PTPRA: variants seen among roughly 807,000 people sequenced by gnomAD.
PTPRA encodes the protein receptor-type tyrosine-protein phosphatase alpha.
Under a neutral mutation model 104.8 loss-of-function variants are expected in PTPRA, and 25 were observed. The ratio of observed to expected loss-of-function variants is 0.24; its 90% CI spans 0.17 to 0.33. PTPRA has a LOEUF of 0.33. Ranked by LOEUF, PTPRA falls within the 10% of genes least tolerant of loss-of-function variation. PTPRA has a pLI of 1.00. For missense variants in PTPRA, 765 were observed against 1,015.3 expected, an observed-to-expected ratio of 0.75 and a Z score of 3.35; for synonymous variants, 323 against 368.9, an observed-to-expected ratio of 0.88 and a Z score of 1.43.
intron 16 of PTPRA, among the ~76,000 whole-genome samples, chr20:3,023,618 C>T (rs1197262702): frequency 2.6e-5 from 4 of 152,200 alleles, no homozygotes. Context: ...ATTTATGACA[C>T]AGAGTCCTTT....
At chr20:2,996,385 G>GA (rs2063394328) in intron 9 of PTPRA, among the ~76,000 whole-genome samples, 1 of 152,186 alleles carries the variant, frequency 6.6e-6, no homozygotes, top group African/African-American at 2.4e-5. Flanking sequence ...GAGAAGAGGA[G>GA]AAATAACACA....
chr20:2,914,110 A>G (rs970415138), intron 1 of PTPRA, among the ~76,000 whole-genome samples: 27 of 152,150 alleles, frequency 1.8e-4, no homozygotes, highest in Non-Finnish European at 3.5e-4. Context: ...TTTGTCCCAG[A>G]TTTGGTCAGT....
intron 13 of PTPRA, among the ~76,000 whole-genome samples, chr20:3,018,826 C>T (rs1483427183): frequency 1.1e-4 from 13 of 121,740 alleles, no homozygotes; most frequent in Middle Eastern, 4.6e-3. Flanking sequence ...CCTCACCTCC[C>T]GGACAGGGCG....
intron 1 of PTPRA, among the ~76,000 whole-genome samples, chr20:2,903,982 GCAA>G: frequency 6.6e-6 from 1 of 151,814 alleles, no homozygotes; most frequent in Admixed American, 6.6e-5. Context: ...ATGGCTCACT[GCAA>G]CTTCAATCTC....
intron 1 of PTPRA, 82 bp from the exon 2 acceptor site, chr20:2,923,125 A>C (rs1419940850): frequency 2.0e-6 from 1 of 508,324 alleles, no homozygotes; most frequent in African/African-American, 2.1e-5. Context: ...CATGTTGCCT[A>C]GGCTGGGCTT....
intron 17 of PTPRA, 34 bp from the exon 18 acceptor site, chr20:3,026,653 A>G (rs1461968633): frequency 1.3e-6 from 2 of 1,506,464 alleles, no homozygotes; most frequent in East Asian, 4.5e-5. Context: ...AGTTACTGGG[A>G]TCAGTAATGT....
the PTPRA span, chr20:2,865,485 T>C: frequency 3.7e-6 from 6 of 1,613,744 alleles, no homozygotes; most frequent in East Asian, 6.7e-5. This position sits in a 1 kb window ranked among gnomAD's most constrained non-coding sequence, Gnocchi z 5.2. Context: ...AAATCACCCA[T>C]TGGCTACCTG....
intron 1 of PTPRA, among the ~76,000 whole-genome samples, chr20:2,880,272 T>C (rs2089974846): frequency 6.6e-6 from 1 of 152,238 alleles, no homozygotes; most frequent in African/African-American, 2.4e-5. Context: ...CTTTTTATTG[T>C]TTTTATCTAA....
the PTPRA span, chr20:2,864,885 G>T: frequency 6.4e-7 from 1 of 1,561,088 alleles, no homozygotes; most frequent in South Asian, 1.1e-5. The surrounding 1 kb of genome is among the most constrained non-coding windows in gnomAD (Gnocchi z 5.2). Flanking sequence ...TGGCGACCCT[G>T]GGCACAGGGA....
At chr20:2,887,762 T>C (rs1239460812) in intron 1 of PTPRA, among the ~76,000 whole-genome samples, 2 of 152,264 alleles carry the variant, frequency 1.3e-5, no homozygotes, top group African/African-American at 2.4e-5. Flanking sequence ...TTGATAATGT[T>C]AGCAGCACTG....
intron 1 of PTPRA, among the ~76,000 whole-genome samples, chr20:2,910,044 AAT>A (rs1346355408): frequency 1.6e-5 from 2 of 124,364 alleles, no homozygotes; most frequent in South Asian, 2.2e-4. Flanking sequence ...TATCATATAT[AAT>A]ATATATCATA....
chr20:2,975,214 G>A lies in PTPRA; in HGVS notation c.416-1G>A. 1 of 1,592,622 alleles carries A rather than the reference G, an allele frequency of 6.3e-7. No homozygotes were observed. The highest frequency in any genetic ancestry group is 8.6e-7 in the Non-Finnish European group (1 of 1,162,496). ...GTTTCTATTTTTTACTTATTACACA[G>A]GTAATTCTGACTCGAAGGACAGAAG... On this transcript the variant is annotated splice_acceptor_variant, in intron 5 of 23. Transcript: ENST00000399903. LOFTEE classifies it high-confidence loss of function.
intron 2 of PTPRA, among the ~76,000 whole-genome samples, chr20:2,938,836 G>A (rs2060802258): frequency 6.6e-6 from 1 of 152,098 alleles, no homozygotes; most frequent in African/African-American, 2.4e-5. Flanking sequence ...CATGAGCGCT[G>A]TTTTAAATTC....
chr20:3,027,263 C>A, intron 19 of PTPRA, 66 bp downstream of exon 19: 1 of 1,474,012 alleles, frequency 6.8e-7, no homozygotes, highest in Non-Finnish European at 9.5e-7. Flanking sequence ...ACTTGCAGTG[C>A]CTCCCTCCCA....
intron 12 of PTPRA, among the ~76,000 whole-genome samples, chr20:3,017,377 G>A (rs190275702): frequency 2.2e-4 from 33 of 152,128 alleles, no homozygotes; most frequent in Non-Finnish European, 2.8e-4. Flanking sequence ...AGGTTATATG[G>A]GAGGTAAATT....
intron 1 of PTPRA, among the ~76,000 whole-genome samples, chr20:2,896,438 A>G (rs1163814485): frequency 1.3e-5 from 2 of 152,226 alleles, no homozygotes; most frequent in Non-Finnish European, 2.9e-5. Flanking sequence ...GCCTACATGC[A>G]CTTTCAGTCC....
intron 1 of PTPRA, among the ~76,000 whole-genome samples, chr20:2,909,973 TAATC>T (rs2059589543): frequency 3.4e-5 from 4 of 117,394 alleles, no homozygotes; most frequent in African/African-American, 1.4e-4. Context: ...GATATATATA[TAATC>T]TATCATATAT....
chr20:3,036,079 C>A, intron 22 of PTPRA, 138 bp downstream of exon 22: 1 of 1,440,876 alleles, frequency 6.9e-7, no homozygotes, highest in Non-Finnish European at 9.2e-7. Context: ...GAGATTGATG[C>A]CAAGACAGGA....
intron 12 of PTPRA, among the ~76,000 whole-genome samples, chr20:3,017,133 T>C (rs1220336815): frequency 6.6e-6 from 1 of 152,250 alleles, no homozygotes; most frequent in East Asian, 1.9e-4. Flanking sequence ...AGTATATATC[T>C]TCTCTCAGTA....
Sources: gnomAD v4.1 joint callset for allele counts (sites outside exome capture counted in the v4.1 genomes callset) on GRCh38, gnomAD v4.1.1 for gene constraint, Gnocchi (gnomAD v3.1) non-coding constraint, MANE v1.5 for transcripts, NCBI Gene and HGNC (gene_info 2026-07-23, HGNC 2026-07-21) for gene names.